CEP192: variants seen among roughly 807,000 people sequenced by gnomAD.
CEP192 encodes centrosomal protein 192, also known as centrosomal protein of 192 kDa.
In CEP192, 151 loss-of-function variants were observed where a neutral mutation model predicts 271.8. The observed-to-expected ratio is 0.56, with a 90% confidence interval of 0.49 to 0.64. The LOEUF is 0.64. Ranked by LOEUF, CEP192 falls within the 30% of genes least tolerant of loss-of-function variation. The probability of loss-of-function intolerance (pLI) is 0.00; values close to 1 mark genes in which losing one functional copy is unlikely to be tolerated. For synonymous variants in CEP192, 995 were observed against 1,076.5 expected (o/e 0.92, Z 1.48); for missense variants, 2,910 against 3,020.5 (o/e 0.96, Z 0.86).
In CEP192 at chr18:13,067,817, T is replaced by A. The variant is rs780576512; in HGVS notation, c.4489-14T>A. ...ATTGCTTTTCATAAATCATTCCCTT[T>A]TTTTGATAATTAGGTAGAAACAGAA... On this transcript the variant is annotated splice_polypyrimidine_tract_variant and intron_variant, in intron 21 of 44. Transcript: ENST00000506447. The A allele has an allele frequency of 1.3e-6, 2 of 1,596,958 alleles. No homozygotes were observed. The highest frequency in any genetic ancestry group is 2.2e-5 in the South Asian group (2 of 90,480).
rs1440615186 is a variant in CEP192, at chr18:13,069,076, C to G, written c.4963-13C>G. The G allele has an allele frequency of 1.2e-6, 2 of 1,613,784 alleles. No homozygotes were observed. Among genetic ancestry groups the G allele is most frequent in the Admixed American group, 1.7e-5 (1 of 60,000 alleles). On this transcript the variant is annotated splice_polypyrimidine_tract_variant and intron_variant, in intron 25 of 44. Coordinates refer to ENST00000506447, the MANE Select transcript of CEP192 (RefSeq NM_032142.4). The stretch of plus-strand genomic sequence containing the variant: ...ACAGTTCGTTGAAATGTCTGTCTTG[C>G]CCCATCCTCCAGACGATGCATTTCT...
rs1481784174 is a variant in CEP192 at position 13,087,165 on chromosome 18, C to T, written c.5765C>T (p.Ala1922Val). Residue 1922 changes from alanine to valine, a missense_variant, in exon 31 of 45, where the codon GCA becomes GTA. By Grantham distance (64) the Ala-to-Val change is moderately conservative (BLOSUM62 0). Coordinates refer to ENST00000506447, the MANE Select transcript of CEP192 (RefSeq NM_032142.4). ...VFSVRNTGSRAAFVKAVGFKD... is the reference protein window; with the variant it reads ...VFSVRNTGSRVAFVKAVGFKD... ...TCTGTCCGCAACACTGGCTCCCGAG[C>T]AGCTTTTGTTAAAGCAGTAGGTTTT... 2 of 1,614,086 alleles carry T rather than the reference C, an allele frequency of 1.2e-6. No individual in the cohort carries two copies. The highest frequency in any genetic ancestry group is 1.1e-5 in the South Asian group (1 of 91,082).
chr18:12,992,659 A>G (rs1230690838), intron 1 of CEP192, among the ~76,000 whole-genome samples: 8 of 152,244 alleles, frequency 5.3e-5, no homozygotes, highest in African/African-American at 1.9e-4. Context: ...TGAATGGTTT[A>G]CAAGTGTAAT....
intron 40 of CEP192, among the ~76,000 whole-genome samples, chr18:13,106,639 TCAA>T (rs1171160623): frequency 6.8e-6 from 1 of 147,566 alleles, no homozygotes; most frequent in African/African-American, 2.5e-5. Context: ...CACACAACCC[TCAA>T]CTACAACCAT....
At chr18:13,031,243 G>GTTTTTTTTT (rs60557979) in intron 11 of CEP192, among the ~76,000 whole-genome samples, 3 of 101,654 alleles carry the variant, frequency 3.0e-5, no homozygotes, top group African/African-American at 4.1e-5. Context: ...CCTTATTGTT[G>GTTTTTTTTT]TTTTTTTTTT....
At chr18:13,026,528 C>T (rs75817532) in intron 9 of CEP192, among the ~76,000 whole-genome samples, 1 of 152,076 alleles carries the variant, frequency 6.6e-6, no homozygotes, top group African/African-American at 2.4e-5. Context: ...CTCTGTTATG[C>T]ATATGTTATA....
chr18:13,117,558 T>C (rs2040489180), intron 43 of CEP192, 27 bp from the exon 44 acceptor site: 1 of 1,528,840 alleles, frequency 6.5e-7, no homozygotes, highest in Non-Finnish European at 9.1e-7. Flanking sequence ...TTCATAACTT[T>C]ATAAAGTGTC....
intron 21 of CEP192, among the ~76,000 whole-genome samples, chr18:13,065,695 T>C (rs1429786661): frequency 6.6e-6 from 1 of 152,188 alleles, no homozygotes; most frequent in Non-Finnish European, 1.5e-5. Context: ...TTCCATGCAC[T>C]CTTTGGACAG....
intron 24 of CEP192, 90 bp from the exon 25 acceptor site, chr18:13,068,762 G>T (rs1378709110): frequency 9.7e-6 from 13 of 1,342,314 alleles, no homozygotes; most frequent in African/African-American, 5.9e-5. Context: ...TTTTCTTATT[G>T]CCCCTAAGGG....
chr18:12,999,563 A>G lies in CEP192; in HGVS notation c.139A>G (p.Arg47Gly). Reference sequence around the variant, plus strand: ...GCCTGTTGCTGTTTCTACACTTGCTAGGGATAGATCCAGCACTGATAACAG... The same window carrying G: ...GCCTGTTGCTGTTTCTACACTTGCTGGGGATAGATCCAGCACTGATAACAG... ...GLPVAVSTLA[R>G]DRSSTDNRYP... Residue 47 changes from arginine (R) to glycine (G), a missense_variant, in exon 2 of 45, where the codon AGG becomes GGG. By Grantham distance (125) the Arg-to-Gly change is moderately radical. Coordinates refer to ENST00000506447, the MANE Select transcript of CEP192 (RefSeq NM_032142.4). 6.5e-7 allele frequency: 1 copy of G among 1,550,328 alleles called. No homozygotes were observed. The highest frequency in any genetic ancestry group is 8.7e-7 in the Non-Finnish European group (1 of 1,146,644).
chr18:13,020,616 T>C (rs1744862751), intron 9 of CEP192, among the ~76,000 whole-genome samples: 1 of 152,184 alleles, frequency 6.6e-6, no homozygotes, highest in Non-Finnish European at 1.5e-5. Context: ...TTGGGTCATA[T>C]GGTAATTCTG....
intron 44 of CEP192, among the ~76,000 whole-genome samples, chr18:13,122,885 T>C (rs1317336072): frequency 6.6e-6 from 1 of 152,116 alleles, no homozygotes; most frequent in African/African-American, 2.4e-5. Flanking sequence ...TTCTCAATAA[T>C]AGTATTACAA....
At chr18:13,099,759 A>T (rs2144868117) in intron 37 of CEP192, among the ~76,000 whole-genome samples, 178 bp downstream of exon 37, 1 of 152,376 alleles carries the variant, frequency 6.6e-6, no homozygotes, top group Admixed American at 6.5e-5. Context: ...TATTTGGGGA[A>T]AAAGTAATAC....
Position 13,019,264 on chromosome 18 carries a change from G to C in CEP192, c.1050+58G>C, listed in dbSNP as rs142378018. 1.4e-3 allele frequency: 1,909 copies of C among 1,339,496 alleles called. 28 individuals carry two copies. In the African/African-American group the frequency reaches 0.022, roughly 15 times the overall value. 83.0% of individuals were successfully genotyped at this position (1,339,496 alleles called of 1,614,324 possible). A position where few individuals can be genotyped will look rare whatever the true frequency, so the allele number is the denominator to read the frequency against. On this transcript the variant is annotated intron_variant, in intron 9 of 44. Coordinates refer to ENST00000506447, the MANE Select transcript of CEP192 (RefSeq NM_032142.4). The stretch of plus-strand genomic sequence containing the variant: ...AAAAAAGGAATAAGGGGTCTTTTGT[G>C]TTTATATGATATCAGTTTTTTTCAA...
chr18:13,008,344 G>T, intron 3 of CEP192, 112 bp from the exon 4 acceptor site: 1 of 724,006 alleles, frequency 1.4e-6, no homozygotes, highest in Non-Finnish European at 2.3e-6. Flanking sequence ...TCTTTTTATT[G>T]CTTCCATTTT....
rs765476163 is a variant in CEP192 at position 13,069,090 on chromosome 18, C to T, written c.4964C>T (p.Thr1655Met). 3.7e-6 allele frequency: 6 copies of T among 1,613,984 alleles called. No individual in the cohort carries two copies. The highest frequency in any genetic ancestry group is 2.2e-5 in the South Asian group (2 of 91,088). ...ARIHAPRDLQ[T>M]MHFLAKVASS... Reference sequence around the variant, plus strand: ...TGTCTGTCTTGCCCCATCCTCCAGACGATGCATTTCTTGGCCAAAGTGGCT... The same window carrying T: ...TGTCTGTCTTGCCCCATCCTCCAGATGATGCATTTCTTGGCCAAAGTGGCT... The change falls in exon 26 of 45, where the codon ACG becomes ATG. Residue 1655 changes from threonine (T) to methionine (M), a missense_variant and splice_region_variant. By Grantham distance (81) the Thr-to-Met change is moderately conservative. Coordinates refer to ENST00000506447, the MANE Select transcript of CEP192 (RefSeq NM_032142.4).
chr18:13,069,452 T>C (rs1001119138), intron 26 of CEP192, among the ~76,000 whole-genome samples: 1 of 152,110 alleles, frequency 6.6e-6, no homozygotes, highest in Non-Finnish European at 1.5e-5. Flanking sequence ...TTGGTTAGAG[T>C]TGGTGAAGAA....
At chr18:13,021,876 A>G (rs1427028063) in intron 9 of CEP192, among the ~76,000 whole-genome samples, 1 of 152,090 alleles carries the variant, frequency 6.6e-6, no homozygotes, top group African/African-American at 2.4e-5. Flanking sequence ...TTGTAAATGG[A>G]ATTGCTTTCT....
At chr18:13,101,499 G>A (rs575440158) in intron 38 of CEP192, among the ~76,000 whole-genome samples, 1 of 152,202 alleles carries the variant, frequency 6.6e-6, no homozygotes, top group East Asian at 1.9e-4. Context: ...CACATTCCTC[G>A]AGAGTCCTGC....
Sources: gnomAD v4.1 joint callset for allele counts (sites outside exome capture counted in the v4.1 genomes callset) on GRCh38, gnomAD v4.1.1 for gene constraint, MANE v1.5 for transcripts, NCBI Gene and HGNC (gene_info 2026-07-23, HGNC 2026-07-21) for gene names.